MAOA: variants seen among roughly 807,000 people sequenced by gnomAD.
MAOA encodes amine oxidase [flavin-containing] A.
Under a neutral mutation model 42.0 loss-of-function variants are expected in MAOA, and 6 were observed. The ratio of observed to expected loss-of-function variants is 0.14; its 90% CI spans 0.08 to 0.28. MAOA has a LOEUF of 0.28. MAOA is among the 10% of genes least tolerant of loss of function. The pLI is 1.00. For synonymous variants in MAOA, 140 were observed against 154.0 expected (o/e 0.91, Z 0.67); for missense variants, 262 against 422.3 (o/e 0.62, Z 3.33).
chrX:43,700,521 C>T lies in MAOA; in HGVS notation c.306+7093C>T, dbSNP rs147304430. Among the ~76,000 whole-genome samples the T allele has an allele frequency of 5.2e-4, 58 of 111,831 alleles. No homozygotes were observed. In the East Asian group the frequency reaches 0.011, roughly 22 times the overall value. ...TTGTACATGGGAGCTGTATGTGGCACGGTGGCTTCTCTTCTCTTGCACCCT... is the reference window on the plus strand; with the variant it reads ...TTGTACATGGGAGCTGTATGTGGCATGGTGGCTTCTCTTCTCTTGCACCCT... On this transcript the variant is annotated intron_variant, in intron 3 of 14. Transcript: ENST00000338702.
rs752465194 is a variant in MAOA at position 43,693,008 on chromosome X, T to A, written c.169-283T>A. Among the ~76,000 whole-genome samples, 26 of 111,928 alleles carry A rather than the reference T, an allele frequency of 2.3e-4. No individual in the cohort carries two copies. In the South Asian group the frequency reaches 6.0e-3, roughly 26 times the overall value. On this transcript the variant is annotated intron_variant, in intron 2 of 14. Transcript: ENST00000338702. ...TAAATGTTTCATAAAGGATCTAAAC[T>A]GGCAGAACATACTACAGTGTTCTTT... is the stretch of plus-strand genomic sequence containing the variant.
chrX:43,741,702 A>G (rs960277722), intron 11 of MAOA, among the ~76,000 whole-genome samples: 13 of 111,733 alleles, frequency 1.2e-4, no homozygotes, highest in African/African-American at 3.6e-4. Context: ...CCTCTCTCCC[A>G]GATACTGGAA....
Position 43,714,789 on chromosome X carries a change from G to A in MAOA, c.503+1993G>A, listed in dbSNP as rs376188701. ...ATTAGGTAGTGTGTGTGTGTGGTGG[G>A]GAAATGGGGCGGGGGTGGGGTGGGG... On this transcript the variant is annotated intron_variant, in intron 5 of 14. Coordinates refer to ENST00000338702, the MANE Select transcript of MAOA (RefSeq NM_000240.4). Among the ~76,000 whole-genome samples, 21 of 101,660 alleles carry A rather than the reference G, an allele frequency of 2.1e-4. 2 individuals are homozygous for A. In the East Asian group the frequency reaches 2.3e-3, roughly 11 times the overall value. The allele number at this position is 101,660 out of a possible 115,157, so 88.3% of individuals were successfully genotyped here. A position where few individuals can be genotyped will look rare whatever the true frequency, so the allele number is the denominator to read the frequency against.
intron 3 of MAOA, among the ~76,000 whole-genome samples, chrX:43,708,299 G>T (rs1306705065): frequency 9.0e-6 from 1 of 111,224 alleles, no homozygotes; most frequent in Non-Finnish European, 1.9e-5. Flanking sequence ...TATTCCCAGA[G>T]CCCCTGCTTC....
chrX:43,723,798 A>G (rs1344890461), intron 5 of MAOA, among the ~76,000 whole-genome samples: 1 of 111,793 alleles, frequency 8.9e-6, no homozygotes, highest in African/African-American at 3.3e-5. Context: ...CTCATTCAGT[A>G]TGATATTGGC....
intron 10 of MAOA, among the ~76,000 whole-genome samples, chrX:43,739,902 A>T (rs978606161): frequency 2.5e-4 from 28 of 112,772 alleles, no homozygotes; most frequent in African/African-American, 8.0e-4. Flanking sequence ...TTAGACTTTT[A>T]AAAAAATTCA....
chrX:43,667,386 C>A (rs1317859147), intron 1 of MAOA, among the ~76,000 whole-genome samples: 1 of 111,240 alleles, frequency 9.0e-6, no homozygotes, highest in Non-Finnish European at 1.9e-5. Flanking sequence ...TATCACAGCA[C>A]CTAGGATGAT....
At chrX:43,668,512 T>A (rs1223991635) in intron 1 of MAOA, among the ~76,000 whole-genome samples, 1 of 112,518 alleles carries the variant, frequency 8.9e-6, no homozygotes, top group African/African-American at 3.2e-5. Flanking sequence ...AAGGTTTTTA[T>A]GTTATGCATT....
chrX:43,729,875 G>A (rs1486682108), intron 6 of MAOA, among the ~76,000 whole-genome samples: 3 of 111,323 alleles, frequency 2.7e-5, no homozygotes, highest in African/African-American at 9.8e-5. Context: ...GCAGTTTTCT[G>A]GAGGAGTATG....
chrX:43,658,236 G>A (rs1156856427), intron 1 of MAOA, among the ~76,000 whole-genome samples: 2 of 111,203 alleles, frequency 1.8e-5, no homozygotes, highest in Admixed American at 9.6e-5. Context: ...AGTTCTTTCT[G>A]GGATTTTATT....
intron 1 of MAOA, among the ~76,000 whole-genome samples, chrX:43,675,623 T>C (rs1304767998): frequency 8.9e-6 from 1 of 112,397 alleles, no homozygotes; most frequent in Non-Finnish European, 1.9e-5. Flanking sequence ...GTTTTTGGTG[T>C]GGATGTCCTT....
At chrX:43,710,267 G>T (rs1246679876) in intron 3 of MAOA, among the ~76,000 whole-genome samples, 1 of 112,497 alleles carries the variant, frequency 8.9e-6, no homozygotes, top group African/African-American at 3.2e-5. Flanking sequence ...AGGATTTGGA[G>T]TCTCAAAAAG....
In MAOA at chrX:43,696,037, G is replaced by C. The variant is rs1203849395; in HGVS notation, c.306+2609G>C. ...GGGAACCCTGCTTTCTAGAAATCCAGATGTAATTGTTCTGTACTTTAAGAA... is the reference window on the plus strand; with the variant it reads ...GGGAACCCTGCTTTCTAGAAATCCACATGTAATTGTTCTGTACTTTAAGAA... On this transcript the variant is annotated intron_variant, in intron 3 of 14. Transcript: ENST00000338702. Among the ~76,000 whole-genome samples, 11 of 112,091 alleles carry C rather than the reference G, an allele frequency of 9.8e-5. No individual in the cohort carries two copies. The Admixed American group carries it at 1.0e-3, about 11-fold the overall frequency.
At chrX:43,712,826 T>C in intron 5 of MAOA, 30 bp downstream of exon 5, 1 of 1,026,430 alleles carries the variant, frequency 9.7e-7, no homozygotes, top group Non-Finnish European at 1.4e-6. Context: ...CAAAATTTAC[T>C]TTTTATCTTC....
At chrX:43,721,951 C>G (rs954692439) in intron 5 of MAOA, among the ~76,000 whole-genome samples, 4 of 111,057 alleles carry the variant, frequency 3.6e-5, no homozygotes, top group African/African-American at 1.3e-4. Context: ...TTGGTTTTCT[C>G]TTATTGTGTT....
chrX:43,677,799 C>A (rs1277929011), intron 1 of MAOA, among the ~76,000 whole-genome samples: 1 of 111,590 alleles, frequency 9.0e-6, no homozygotes, highest in East Asian at 2.8e-4. Context: ...TCATAGAAAA[C>A]CACAGGATAC....
chrX:43,656,254 C>A, upstream of MAOA: 1 of 844,574 alleles, frequency 1.2e-6, no homozygotes, highest in Admixed American at 2.4e-5. Flanking sequence ...CGCCCCCGGG[C>A]TCCCCGGGGG....
At chrX:43,670,366 A>G (rs997299063) in intron 1 of MAOA, among the ~76,000 whole-genome samples, 8 of 111,655 alleles carry the variant, frequency 7.2e-5, no homozygotes, top group African/African-American at 2.6e-4. Flanking sequence ...TTAAACTGTG[A>G]ATGCCTTCAG....
At chrX:43,726,927 G>A (rs1191292934) in intron 5 of MAOA, among the ~76,000 whole-genome samples, 1 of 111,333 alleles carries the variant, frequency 9.0e-6, no homozygotes, top group African/African-American at 3.3e-5. Context: ...CTTCTAACAG[G>A]CCCCTCAGCT....
Sources: allele counts gnomAD v4.1 joint callset (sites outside exome capture counted in the v4.1 genomes callset), GRCh38; gene constraint gnomAD v4.1.1; transcripts MANE v1.5; gene names NCBI Gene and HGNC (gene_info 2026-07-23, HGNC 2026-07-21).